Variants in NUP160 observed in about 807,000 individuals in gnomAD.
NUP160 encodes nucleoporin 160.
Under a neutral mutation model 196.9 loss-of-function variants are expected in NUP160, and 94 were observed. That is an observed-to-expected ratio of 0.48 (90% CI 0.40 to 0.57). NUP160 has a LOEUF of 0.57. NUP160 is among the 20% of genes least tolerant of loss of function. The pLI, the probability that NUP160 is intolerant of heterozygous loss-of-function variation, is 0.00. For missense variants in NUP160, 1,638 were observed against 1,748.3 expected (o/e 0.94, Z 1.13); for synonymous variants, 605 against 619.7 (o/e 0.98, Z 0.35).
At chr11:47,827,880 C>CT (rs921550488) in intron 7 of NUP160, among the ~76,000 whole-genome samples, 2 of 151,904 alleles carry the variant, frequency 1.3e-5, no homozygotes, top group African/African-American at 4.8e-5. Flanking sequence ...ATAAAACTAA[C>CT]TTTTTTATGA....
intron 23 of NUP160, among the ~76,000 whole-genome samples, chr11:47,798,809 G>T (rs1599314454): frequency 1.3e-5 from 2 of 151,870 alleles, no homozygotes; most frequent in East Asian, 3.9e-4. Context: ...CAGCCTGGGT[G>T]GTATAGCACG....
At position 47,783,212 on chromosome 11, in the gene NUP160, G is replaced by A. The variant is rs1470894628; in HGVS notation, c.3991-14C>T. ...AGCATCAACCTTCTGTGAAAAGTCAGTGATTAAGAATATGTACCTATTTCC... is the reference window on the plus strand; with the variant it reads ...AGCATCAACCTTCTGTGAAAAGTCAATGATTAAGAATATGTACCTATTTCC... On this transcript the variant is annotated splice_polypyrimidine_tract_variant and intron_variant, in intron 33 of 35. Transcript: ENST00000378460. 4 of 1,611,890 alleles carry A rather than the reference G, an allele frequency of 2.5e-6. No individual in the cohort carries two copies. The highest frequency in any genetic ancestry group is 3.4e-6 in the Non-Finnish European group (4 of 1,179,226).
At position 47,792,961 on chromosome 11, in the gene NUP160, T is replaced by G; in HGVS notation, c.3290-15A>C. The G allele has an allele frequency of 6.3e-7, 1 of 1,594,970 alleles. No individual in the cohort carries two copies. The highest frequency in any genetic ancestry group is 8.5e-7 in the Non-Finnish European group (1 of 1,174,464). The stretch of plus-strand genomic sequence containing the variant: ...CACTGTGCCAGCTATGAGGAGATAA[T>G]AAATTAGACTTTAGAACTTCCAAAT... On this transcript the variant is annotated splice_polypyrimidine_tract_variant and intron_variant, in intron 27 of 35. Transcript: ENST00000378460.
chr11:47,837,368 G>A (rs922312710), intron 5 of NUP160, among the ~76,000 whole-genome samples, 177 bp downstream of exon 5: 1 of 152,200 alleles, frequency 6.6e-6, no homozygotes, highest in Non-Finnish European at 1.5e-5. Context: ...GCATCCAATT[G>A]CAGATGAAAG....
chr11:47,831,061 A>G (rs4480495), intron 7 of NUP160, among the ~76,000 whole-genome samples: 151,551 of 152,222 alleles, frequency 1, 75,445 homozygotes, highest in Middle Eastern at 1. Context: ...TACTTGGGGG[A>G]CTGAGGCGGG....
chr11:47,844,008 C>T (rs10769300), intron 2 of NUP160, among the ~76,000 whole-genome samples: 52,709 of 152,076 alleles, frequency 0.35, 10,582 homozygotes, highest in South Asian at 0.52. Flanking sequence ...GTTTTTCCAT[C>T]GCAATTAATG....
chr11:47,819,588 A>G, intron 9 of NUP160, 130 bp from the exon 10 acceptor site: 1 of 511,462 alleles, frequency 2.0e-6, no homozygotes, highest in South Asian at 3.7e-5. Flanking sequence ...CAATTCTATT[A>G]AAAACATTTT....
At chr11:47,787,285 G>A (rs1225855459) in intron 31 of NUP160, among the ~76,000 whole-genome samples, 2 of 151,762 alleles carry the variant, frequency 1.3e-5, no homozygotes, top group South Asian at 2.1e-4. Context: ...ATGGGGTTTC[G>A]TCATGTTGGC....
At chr11:47,844,702 A>C (rs535090776) in intron 2 of NUP160, among the ~76,000 whole-genome samples, 1 of 152,240 alleles carries the variant, frequency 6.6e-6, no homozygotes, top group South Asian at 2.1e-4. Context: ...TCCATTAATC[A>C]ACTGACAAAC....
At chr11:47,848,238 T>G in exon 1 of NUP160, 1 of 1,614,146 alleles carries the variant, frequency 6.2e-7, no homozygotes, top group Non-Finnish European at 8.5e-7. Context: ...AGACTGTGAA[T>G]TCCCGAAAGT....
intron 18 of NUP160, among the ~76,000 whole-genome samples, chr11:47,807,864 C>A (rs2097678674): frequency 6.6e-6 from 1 of 152,174 alleles, no homozygotes; most frequent in African/African-American, 2.4e-5. Flanking sequence ...TGTACACATA[C>A]ATACAGTCTA....
chr11:47,818,238 T>TAGAAGGGCAAA, intron 10 of NUP160, 114 bp from the exon 11 acceptor site: 1 of 681,186 alleles, frequency 1.5e-6, no homozygotes, highest in Non-Finnish European at 2.7e-6. Context: ...TGCCCTTCTA[T>TAGAAGGGCAAA]ATGTGGGCAA....
At chr11:47,794,095 T>C (rs1289083816) in intron 27 of NUP160, among the ~76,000 whole-genome samples, 2 of 152,028 alleles carry the variant, frequency 1.3e-5, no homozygotes, top group Non-Finnish European at 2.9e-5. Flanking sequence ...GAACAAGTAG[T>C]TGTTTAATGG....
intron 7 of NUP160, among the ~76,000 whole-genome samples, chr11:47,829,568 A>G (rs1034986132): frequency 6.6e-6 from 1 of 152,166 alleles, no homozygotes; most frequent in Non-Finnish European, 1.5e-5. Flanking sequence ...TGGCCTCCCA[A>G]AGTGCTAGGA....
intron 23 of NUP160, among the ~76,000 whole-genome samples, chr11:47,799,381 C>T (rs893626364): frequency 3.9e-5 from 6 of 152,088 alleles, no homozygotes; most frequent in African/African-American, 1.2e-4. Flanking sequence ...CCACTGTGCC[C>T]GGCCTGACAA....
At chr11:47,842,212 T>C (rs778409952) in intron 2 of NUP160, among the ~76,000 whole-genome samples, 1 of 152,094 alleles carries the variant, frequency 6.6e-6, no homozygotes, top group Admixed American at 6.6e-5. Flanking sequence ...GACCCCTATA[T>C]GCTAGATTTC....
At chr11:47,806,207 C>A (rs1298972847) in exon 20 of NUP160, 1 of 1,613,950 alleles carries the variant, frequency 6.2e-7, no homozygotes, top group African/African-American at 1.3e-5. Flanking sequence ...CCAATTCAAT[C>A]CAGTTTGGCT....
chr11:47,838,316 G>T (rs902575225), intron 4 of NUP160, among the ~76,000 whole-genome samples: 4 of 152,208 alleles, frequency 2.6e-5, no homozygotes, highest in Non-Finnish European at 4.4e-5. Flanking sequence ...AAGAGGGGAA[G>T]AGTGAACAGA....
chr11:47,837,879 G>A (rs545230971), intron 4 of NUP160, among the ~76,000 whole-genome samples: 376 of 152,180 alleles, frequency 2.5e-3, no homozygotes, highest in Middle Eastern at 0.014. Flanking sequence ...ATTGCCACCC[G>A]GCAGAATCAC....
Sources: allele counts gnomAD v4.1 joint callset (sites outside exome capture counted in the v4.1 genomes callset), GRCh38; gene constraint gnomAD v4.1.1; transcripts MANE v1.5; gene names NCBI Gene and HGNC (gene_info 2026-07-23, HGNC 2026-07-21).